Variants in NAV3 observed in about 807,000 individuals in gnomAD.
NAV3 encodes pore membrane and/or filament interacting like protein 1.
In NAV3, 87 loss-of-function variants were observed where a neutral mutation model predicts 244.7. The ratio of observed to expected loss-of-function variants is 0.36; its 90% CI spans 0.30 to 0.42. The LOEUF (loss-of-function observed/expected upper bound fraction) is 0.42, where lower values mean the gene tolerates loss of function less well. NAV3 is among the 20% of genes least tolerant of loss of function. The pLI, the probability that NAV3 is intolerant of heterozygous loss-of-function variation, is 1.00. For missense variants in NAV3, 2,663 were observed against 2,893.3 expected (o/e 0.92, Z 1.83); for synonymous variants, 1,126 against 1,042.2 (o/e 1.08, Z -1.55).
In NAV3 at chr12:78,168,813, C is replaced by T; in HGVS notation, c.4928C>T (p.Ala1643Val). 4.3e-6 allele frequency: 7 copies of T among 1,610,762 alleles called. No homozygotes were observed. Among genetic ancestry groups the T allele is most frequent in the Non-Finnish European group, 5.9e-6 (7 of 1,177,808 alleles). ...GAAATGCTGAAGGCTCAGAATTCTG[C>T]TGCCCAGGCGGCTATTCAGGGAGCA... Reference protein sequence around the residue: ...TIEMLKAQNSAAQAAIQGALN... With the variant: ...TIEMLKAQNSVAQAAIQGALN... The change falls in exon 24 of 40, where the codon GCT (alanine) becomes GTT (valine). Residue 1643 changes from alanine (A) to valine (V), a missense_variant. Around this residue, in one of 6 missense-constraint regions of NAV3, gnomAD observed 48 missense variants for 90.0 expected, o/e 0.53. Coordinates refer to ENST00000397909, the MANE Select transcript of NAV3 (RefSeq NM_001024383.2).
chr12:78,037,490 T>G (rs546753382), intron 9 of NAV3: 1 of 595,916 alleles, frequency 1.7e-6, no homozygotes, highest in South Asian at 2.1e-5. Flanking sequence ...GTTTTTAGAC[T>G]GATTTTTAAA....
At chr12:77,709,895 T>A (rs1189193667) in intron 2 of NAV3, among the ~76,000 whole-genome samples, 1 of 152,158 alleles carries the variant, frequency 6.6e-6, no homozygotes, top group Admixed American at 6.5e-5. Context: ...CTCTGTGCAG[T>A]CCGCCAGCAC....
Position 77,947,021 on chromosome 12 carries a change from C to T in NAV3, c.414+5888C>T, listed in dbSNP as rs551574470. On this transcript the variant is annotated intron_variant, in intron 3 of 39. Coordinates refer to ENST00000397909, the MANE Select transcript of NAV3 (RefSeq NM_001024383.2). ...TTCCTCTTTCTTGGCTCTGTTTTGT[C>T]GTAATAATTCAATTGTTTTCCAGCC... Among the ~76,000 whole-genome samples the T allele has an allele frequency of 3.3e-5, 5 of 152,086 alleles. No individual in the cohort carries two copies. In the East Asian group the frequency reaches 9.7e-4, roughly 29 times the overall value.
At chr12:77,967,948 A>G (rs1374090642) in intron 4 of NAV3, among the ~76,000 whole-genome samples, 2 of 152,188 alleles carry the variant, frequency 1.3e-5, no homozygotes, top group Non-Finnish European at 2.9e-5. Flanking sequence ...TTTGATATAT[A>G]TGGATATATA....
chr12:78,066,651 A>G (rs1345824876), intron 12 of NAV3, among the ~76,000 whole-genome samples: 1 of 152,150 alleles, frequency 6.6e-6, no homozygotes, highest in Non-Finnish European at 1.5e-5. Context: ...ATTATAAACT[A>G]ATCAATATAA....
chr12:77,840,927 T>C (rs1875531176), intron 1 of NAV3, among the ~76,000 whole-genome samples: 1 of 152,180 alleles, frequency 6.6e-6, no homozygotes, highest in Non-Finnish European at 1.5e-5. Context: ...AGTCACATAA[T>C]AAGAAAACAA....
At chr12:77,637,139 TA>T (rs909234265) in intron 2 of NAV3, among the ~76,000 whole-genome samples, 11 of 151,192 alleles carry the variant, frequency 7.3e-5, no homozygotes, top group African/African-American at 2.2e-4. Context: ...TAAAGTATAA[TA>T]AAAAAAGGAA....
chr12:77,895,553 T>C (rs1884497015), intron 1 of NAV3, among the ~76,000 whole-genome samples: 1 of 152,104 alleles, frequency 6.6e-6, no homozygotes, highest in Non-Finnish European at 1.5e-5. Flanking sequence ...TTTGATTTTA[T>C]GTTAATATTC....
chr12:78,179,738 A>T (rs151282710), intron 29 of NAV3, 56 bp downstream of exon 29: 4 of 1,550,836 alleles, frequency 2.6e-6, no homozygotes, highest in African/African-American at 2.8e-5. Flanking sequence ...AATGCTGCTT[A>T]TTCTGTTCTC....
At chr12:77,615,311 G>A (rs1871104432) in intron 2 of NAV3, among the ~76,000 whole-genome samples, 1 of 152,100 alleles carries the variant, frequency 6.6e-6, no homozygotes, top group Admixed American at 6.5e-5. Flanking sequence ...GGTAAACTGT[G>A]TGTCACTGAA....
chr12:78,197,380 T>C lies in NAV3; in HGVS notation c.6425T>C (p.Leu2142Pro). The C allele has an allele frequency of 1.9e-6, 3 of 1,598,934 alleles. No individual in the cohort carries two copies. Among genetic ancestry groups the C allele is most frequent in the Non-Finnish European group, 2.6e-6 (3 of 1,172,052 alleles). The change falls in exon 35 of 40, where the codon CTC (leucine) becomes CCC (proline). Residue 2142 changes from leucine to proline, a missense_variant. Leu to Pro is a moderately conservative substitution (Grantham distance 98). This residue lies in a region of NAV3 where 543 missense variants were observed against 672.4 expected (regional missense o/e 0.81). Transcript: ENST00000397909. ...CTGAGTGATATCTTCAATGGTTTTC[T>C]CAATTGTAAATACAACAAATGGTAT... ...GSLSDIFNGF[L>P]NCKYNKCPYI...
At chr12:77,823,942 C>T (rs1192633099) in intron 2 of NAV3, among the ~76,000 whole-genome samples, 1 of 151,938 alleles carries the variant, frequency 6.6e-6, no homozygotes, top group Non-Finnish European at 1.5e-5. Flanking sequence ...AATGGAACTC[C>T]TAGAGATGAA....
At chr12:78,147,952 T>TATAA (rs1324471371) in intron 21 of NAV3, among the ~76,000 whole-genome samples, 8 of 152,106 alleles carry the variant, frequency 5.3e-5, no homozygotes, top group Admixed American at 2.0e-4. Flanking sequence ...GTCAGATTGT[T>TATAA]ATAAATGTTC....
chr12:78,188,712 T>C lies in NAV3; in HGVS notation c.5990T>C (p.Val1997Ala), dbSNP rs758664303. ...TTAATTAGATCCCATAACCTAGAAGTGCCTGAATTGCTGCCTTGTGGATAC... is the reference window on the plus strand; with the variant it reads ...TTAATTAGATCCCATAACCTAGAAGCGCCTGAATTGCTGCCTTGTGGATAC... Reference protein sequence around the residue: ...GDLIRSHNLEVPELLPCGYLV... With the variant: ...GDLIRSHNLEAPELLPCGYLV... Residue 1997 changes from valine (V) to alanine (A), a missense_variant, in exon 33 of 40, where the codon GTG becomes GCG. Physicochemically the swap from Val to Ala is moderately conservative, Grantham distance 64. Transcript: ENST00000397909. 1.2e-6 allele frequency: 2 copies of C among 1,612,390 alleles called. No individual in the cohort carries two copies. The highest frequency in any genetic ancestry group is 1.7e-6 in the Non-Finnish European group (2 of 1,178,996).
chr12:77,763,094 A>C (rs1354603839), intron 2 of NAV3, among the ~76,000 whole-genome samples: 2 of 152,176 alleles, frequency 1.3e-5, no homozygotes, highest in Non-Finnish European at 2.9e-5. Context: ...ATCTGCCTTC[A>C]TGGAATGGGA....
intron 7 of NAV3, among the ~76,000 whole-genome samples, chr12:78,005,529 C>A (rs929861001): frequency 2.6e-5 from 4 of 152,340 alleles, no homozygotes; most frequent in African/African-American, 9.6e-5. Flanking sequence ...GGGCCCACTG[C>A]AGACCTGCTG....
chr12:77,881,240 C>T (rs1725966), intron 1 of NAV3, among the ~76,000 whole-genome samples: 20,489 of 152,002 alleles, frequency 0.13, 1,467 homozygotes, highest in East Asian at 0.22. Context: ...ACTGTAATGT[C>T]TTAGACCTTA....
At chr12:78,031,890 AAAT>A (rs1241975395) in intron 9 of NAV3, among the ~76,000 whole-genome samples, 3 of 151,846 alleles carry the variant, frequency 2.0e-5, no homozygotes, top group African/African-American at 7.3e-5. Flanking sequence ...TATAATAAAA[AAAT>A]AATAATAATA....
At chr12:78,150,122 C>T (rs752626113) in intron 22 of NAV3, among the ~76,000 whole-genome samples, 9 of 151,676 alleles carry the variant, frequency 5.9e-5, no homozygotes, top group Non-Finnish European at 1.0e-4. Flanking sequence ...CAGAGGCAAC[C>T]GTAAATTTTA....
Sources: allele counts gnomAD v4.1 joint callset (sites outside exome capture counted in the v4.1 genomes callset), GRCh38; gene constraint gnomAD v4.1.1; regional missense constraint gnomAD v4.1.1; transcripts MANE v1.5; gene names NCBI Gene and HGNC (gene_info 2026-07-23, HGNC 2026-07-21).